Variants in ARHGAP6 observed in about 807,000 individuals in gnomAD.
ARHGAP6 encodes rho GTPase-activating protein 6.
Under a neutral mutation model 55.7 loss-of-function variants are expected in ARHGAP6, and 16 were observed. That is an observed-to-expected ratio of 0.29 (90% CI 0.19 to 0.44). ARHGAP6 has a LOEUF of 0.44. Ranked by LOEUF, ARHGAP6 falls within the 20% of genes least tolerant of loss-of-function variation. The pLI is 1.00. For synonymous variants in ARHGAP6, 382 were observed against 360.9 expected, an observed-to-expected ratio of 1.06 and a Z score of -0.66; for missense variants, 698 against 808.9, an observed-to-expected ratio of 0.86 and a Z score of 1.66.
At position 11,224,487 on chromosome X, in the gene ARHGAP6, T is replaced by C. The variant is rs1207164264; in HGVS notation, c.749-27491A>G. 6 of 251,491 alleles carry C rather than the reference T, an allele frequency of 2.4e-5. No homozygotes were observed. In the East Asian group the frequency reaches 1.1e-3, roughly 45 times the overall value. The allele number at this position is 251,491 out of a possible 1,213,427, so 20.7% of individuals were successfully genotyped here. ...GGACTCATGGACTAGGGGAATATAA[T>C]TGCCATGCAGCATTAGGGGTCCAAC... is the stretch of plus-strand genomic sequence containing the variant. On this transcript the variant is annotated intron_variant, in intron 2 of 12. Coordinates refer to ENST00000337414, the MANE Select transcript of ARHGAP6 (RefSeq NM_013427.3).
At position 11,169,515 on chromosome X, in the gene ARHGAP6, G is replaced by T; in HGVS notation, c.1799C>A (p.Ala600Asp). 7.5e-6 allele frequency: 9 copies of T among 1,197,405 alleles called. No individual in the cohort carries two copies. The highest frequency in any genetic ancestry group is 1.7e-5 in the African/African-American group (1 of 57,197). ...VVQKMIENYE[A>D]LFMVPPDLQN... The stretch of plus-strand genomic sequence containing the variant: ...AGAAGGGCCACCTACCATGAACAGG[G>T]CTTCATAATTTTCAATCATCTTTTG... The change falls in exon 9 of 13, where the codon GCC (alanine) becomes GAC (aspartate). Residue 600 changes from alanine (A) to aspartate (D), a missense_variant. Around this residue, in one of 3 missense-constraint regions of ARHGAP6, gnomAD observed 322 missense variants for 451.1 expected, o/e 0.71. Transcript: ENST00000337414.
chrX:11,316,028 C>T lies in ARHGAP6; in HGVS notation c.589-61321G>A, dbSNP rs765961135. Among the ~76,000 whole-genome samples the T allele has an allele frequency of 2.7e-5, 3 of 112,106 alleles. No individual in the cohort carries two copies. The East Asian group carries it at 8.4e-4, about 31-fold the overall frequency. On this transcript the variant is annotated intron_variant, in intron 1 of 12. Coordinates refer to ENST00000337414, the MANE Select transcript of ARHGAP6 (RefSeq NM_013427.3). ...AGTAGATCAGGCCAAAACTTCCACT[C>T]TCTATCACCAATGGGTCCATTTCAC...
chrX:11,487,490 T>A (rs2050522792), intron 1 of ARHGAP6, among the ~76,000 whole-genome samples: 1 of 112,215 alleles, frequency 8.9e-6, no homozygotes, highest in African/African-American at 3.2e-5. Flanking sequence ...GGGCTTCAGA[T>A]TCAGCAAATA....
chrX:11,567,844 G>A (rs765865785), intron 1 of ARHGAP6, among the ~76,000 whole-genome samples: 1 of 109,714 alleles, frequency 9.1e-6, no homozygotes, highest in Non-Finnish European at 1.9e-5. Flanking sequence ...TATTATTATT[G>A]TTGTTGTTTT....
Position 11,138,898 on chromosome X carries a change from C to G in ARHGAP6, c.2890G>C (p.Asp964His). 3 of 1,186,125 alleles carry G rather than the reference C, an allele frequency of 2.5e-6. No individual in the cohort carries two copies. In the South Asian group the frequency reaches 5.5e-5, roughly 22 times the overall value. Residue 964 changes from aspartate to histidine, a missense_variant, in exon 13 of 13, where the codon GAC becomes CAC. Physicochemically the swap from Asp to His is moderately conservative, Grantham distance 81. Transcript: ENST00000337414. The stretch of plus-strand genomic sequence containing the variant: ...GTCTCGGGCAGGGCATCGGGGTTGT[C>G]GGTCGACAGGAGCTCCCAGATCTGC... ...RWQIWELLST[D>H]NPDALPETLV is the part of the protein sequence containing the mutation.
intron 1 of ARHGAP6, among the ~76,000 whole-genome samples, chrX:11,308,852 T>A (rs1185112095): frequency 8.9e-6 from 1 of 112,391 alleles, no homozygotes; most frequent in Non-Finnish European, 1.9e-5. Context: ...CCAAAAGGAA[T>A]GGTGCAGAAG....
chrX:11,237,256 G>A (rs1404432623), intron 2 of ARHGAP6, among the ~76,000 whole-genome samples: 2 of 112,349 alleles, frequency 1.8e-5, no homozygotes, highest in Non-Finnish European at 3.8e-5. Flanking sequence ...GTCTGCTGGG[G>A]ACAAAGACCT....
intron 8 of ARHGAP6, among the ~76,000 whole-genome samples, chrX:11,176,950 A>C (rs891501254): frequency 1.6e-4 from 18 of 112,205 alleles, no homozygotes; most frequent in Non-Finnish European, 3.0e-4. Context: ...GCCTTTCTGG[A>C]TTAGAGTGAA....
chrX:11,231,112 C>A (rs2047125705), intron 2 of ARHGAP6, among the ~76,000 whole-genome samples: 1 of 111,933 alleles, frequency 8.9e-6, no homozygotes, highest in African/African-American at 3.3e-5. Context: ...ATATCAGAAA[C>A]AAGTCGCACT....
intron 1 of ARHGAP6, among the ~76,000 whole-genome samples, chrX:11,362,040 C>A (rs1034953509): frequency 3.6e-5 from 4 of 111,884 alleles, no homozygotes; most frequent in Non-Finnish European, 7.5e-5. Context: ...AATAGGAACA[C>A]TTTTACACTG....
Position 11,138,754 on chromosome X carries a change from G to T in ARHGAP6, c.*109C>A. 1 of 863,652 alleles carries T rather than the reference G, an allele frequency of 1.2e-6. No homozygotes were observed. Among genetic ancestry groups the T allele is most frequent in the Non-Finnish European group, 1.6e-6 (1 of 623,721 alleles). The allele number at this position is 863,652 out of a possible 1,213,427, so 71.2% of individuals were successfully genotyped here. A position where few individuals can be genotyped will look rare whatever the true frequency, so the allele number is the denominator to read the frequency against. On this transcript the variant is annotated 3_prime_UTR_variant, in exon 13 of 13. Transcript: ENST00000337414. ...ACTGGATTTCTCTTGTGTCACTTTT[G>T]AGAAGTGTGAAAGAAGAACACTAAG...
intron 1 of ARHGAP6, among the ~76,000 whole-genome samples, chrX:11,520,152 TATATATATATA>T (rs2050901395): frequency 1.4e-5 from 1 of 70,693 alleles, no homozygotes; most frequent in African/African-American, 5.2e-5. Flanking sequence ...TATATATATA[TATATATATATA>T]TATATATATA....
chrX:11,622,446 T>C (rs2052240716), intron 1 of ARHGAP6, among the ~76,000 whole-genome samples: 1 of 111,753 alleles, frequency 8.9e-6, no homozygotes, highest in Admixed American at 9.5e-5. Context: ...AATAAATCAA[T>C]TATACATGGA....
chrX:11,441,459 C>T (rs1342913088), intron 1 of ARHGAP6, among the ~76,000 whole-genome samples: 3 of 111,794 alleles, frequency 2.7e-5, no homozygotes, highest in Admixed American at 9.5e-5. Context: ...ACTCTCCAAA[C>T]GTTTTGGTTC....
chrX:11,182,373 ATCT>A (rs2046325301), intron 5 of ARHGAP6, among the ~76,000 whole-genome samples: 1 of 111,704 alleles, frequency 9.0e-6, no homozygotes, highest in African/African-American at 3.3e-5. Context: ...TATATTTCTA[ATCT>A]TCTCCTTATC....
intron 1 of ARHGAP6, chrX:11,266,112 AGTTGGG>A: frequency 6.0e-6 from 1 of 167,369 alleles, no homozygotes; most frequent in Non-Finnish European, 9.6e-6. Flanking sequence ...AGAGAGAGAG[AGTTGGG>A]GAGGAGGAAA....
chrX:11,567,012 A>T (rs1484198456), intron 1 of ARHGAP6, among the ~76,000 whole-genome samples: 1 of 112,255 alleles, frequency 8.9e-6, no homozygotes, highest in Non-Finnish European at 1.9e-5. Flanking sequence ...TGCCCACATC[A>T]TCACAGACAA....
chrX:11,536,147 T>C (rs1183807139), intron 1 of ARHGAP6, among the ~76,000 whole-genome samples: 1 of 111,550 alleles, frequency 9.0e-6, no homozygotes, highest in Non-Finnish European at 1.9e-5. Context: ...ATAGATGCTG[T>C]AGGTACCCCA....
intron 1 of ARHGAP6, among the ~76,000 whole-genome samples, chrX:11,330,307 C>T (rs1273192637): frequency 8.9e-6 from 1 of 112,695 alleles, no homozygotes; most frequent in Non-Finnish European, 1.9e-5. Flanking sequence ...TTCAAATGTT[C>T]TAATCACAAA....
Sources: allele counts gnomAD v4.1 joint callset (sites outside exome capture counted in the v4.1 genomes callset), GRCh38; gene constraint gnomAD v4.1.1; regional missense constraint gnomAD v4.1.1; transcripts MANE v1.5; gene names NCBI Gene and HGNC (gene_info 2026-07-23, HGNC 2026-07-21).